Variants in TMEM117 observed in about 807,000 individuals in gnomAD.
The protein encoded by TMEM117 is transmembrane protein 117.
In TMEM117, 27 loss-of-function variants were observed where a neutral mutation model predicts 52.4. That is an observed-to-expected ratio of 0.51 (90% CI 0.38 to 0.71). The LOEUF is 0.71. Among genes scored for constraint, TMEM117 ranks in the 30% least tolerant of loss-of-function variants. TMEM117 has a pLI of 0.00. For synonymous variants in TMEM117, 215 were observed against 206.3 expected (o/e 1.04, Z -0.36); for missense variants, 556 against 630.5 (o/e 0.88, Z 1.26).
chr12:43,809,955 A>G, the TMEM117 span, among the ~76,000 whole-genome samples: 1 of 152,354 alleles, frequency 6.6e-6, no homozygotes, highest in South Asian at 2.1e-4. Context: ...AAAACAGAAC[A>G]GAGAGTCTGG....
intron 2 of TMEM117, among the ~76,000 whole-genome samples, chr12:43,885,849 C>T (rs1943984364): frequency 6.6e-6 from 1 of 151,962 alleles, no homozygotes; most frequent in African/African-American, 2.4e-5. Flanking sequence ...GATGGTTACA[C>T]AAGAGATTAA....
At chr12:44,001,262 G>C (rs1184993957) in intron 3 of TMEM117, among the ~76,000 whole-genome samples, 1 of 152,232 alleles carries the variant, frequency 6.6e-6, no homozygotes, top group East Asian at 1.9e-4. Context: ...TTCAGAGAGT[G>C]TATATAGATA....
chr12:43,989,443 A>T (rs1364336010), intron 3 of TMEM117, among the ~76,000 whole-genome samples: 1 of 151,172 alleles, frequency 6.6e-6, no homozygotes, highest in Non-Finnish European at 1.5e-5. Context: ...CTACTGCTAC[A>T]TTTTTTTTTA....
chr12:43,893,511 T>C (rs1483801259), intron 2 of TMEM117, among the ~76,000 whole-genome samples: 2 of 152,210 alleles, frequency 1.3e-5, no homozygotes, highest in African/African-American at 4.8e-5. Context: ...CCTTTTTCAG[T>C]GCATATTTAA....
chr12:43,924,296 A>G (rs551060504), intron 2 of TMEM117, among the ~76,000 whole-genome samples: 5 of 152,294 alleles, frequency 3.3e-5, no homozygotes, highest in African/African-American at 1.2e-4. Flanking sequence ...CATTTAAATT[A>G]TAGTGCTTTA....
chr12:43,901,313 G>T (rs1565741911), intron 2 of TMEM117, among the ~76,000 whole-genome samples: 1 of 150,120 alleles, frequency 6.7e-6, no homozygotes, highest in Admixed American at 6.7e-5. Context: ...GTTTGTTTTT[G>T]GTTTTTTTTG....
intron 1 of TMEM117, among the ~76,000 whole-genome samples, chr12:43,842,064 T>A (rs1402532192): frequency 6.6e-6 from 1 of 152,168 alleles, no homozygotes; most frequent in Admixed American, 6.5e-5. Flanking sequence ...AGTGATGAAT[T>A]TTTTTTGTAG....
intron 6 of TMEM117, among the ~76,000 whole-genome samples, chr12:44,322,690 T>C (rs1951147296): frequency 6.6e-6 from 1 of 152,136 alleles, no homozygotes; most frequent in South Asian, 2.1e-4. Context: ...AGTCTCACGA[T>C]GCAAAGTAAC....
chr12:44,311,883 A>G (rs1024613351), intron 6 of TMEM117, among the ~76,000 whole-genome samples: 5 of 124,124 alleles, frequency 4.0e-5, no homozygotes, highest in Admixed American at 1.6e-4. Flanking sequence ...ATATGTATAT[A>G]TGTATATATA....
intron 5 of TMEM117, among the ~76,000 whole-genome samples, chr12:44,294,300 C>A (rs1438057522): frequency 6.6e-6 from 1 of 152,144 alleles, no homozygotes; most frequent in Non-Finnish European, 1.5e-5. Context: ...GGAATAAATT[C>A]TAAGATTCCC....
intron 3 of TMEM117, among the ~76,000 whole-genome samples, chr12:44,054,905 C>T (rs1219628610): frequency 5.3e-5 from 8 of 151,994 alleles, no homozygotes; most frequent in African/African-American, 1.5e-4. Flanking sequence ...CCCCACCCCA[C>T]GACAGGCCCC....
At chr12:43,799,470 G>A in the TMEM117 span, 1 of 1,608,838 alleles carries the variant, frequency 6.2e-7, no homozygotes, top group Non-Finnish European at 8.5e-7. Context: ...GTGACAGCAA[G>A]TATTTTTTAT....
At chr12:43,796,329 G>A in the TMEM117 span, among the ~76,000 whole-genome samples, 1 of 152,132 alleles carries the variant, frequency 6.6e-6, no homozygotes, top group Non-Finnish European at 1.5e-5. Context: ...AACTTAAAAA[G>A]CATGAAGGGT....
chr12:44,024,495 C>T (rs189616560), intron 3 of TMEM117, among the ~76,000 whole-genome samples: 59 of 151,724 alleles, frequency 3.9e-4, no homozygotes, highest in Admixed American at 2.1e-3. Context: ...TATTTAGTAT[C>T]TCATAAACTT....
At chr12:44,318,222 G>A (rs1951084392) in intron 6 of TMEM117, 1 of 152,378 alleles carries the variant, frequency 6.6e-6, no homozygotes, top group Non-Finnish European at 1.5e-5. Flanking sequence ...ATGGAGTGGA[G>A]AGGGTCCTGT....
chr12:44,039,085 A>T (rs771556108), intron 3 of TMEM117, among the ~76,000 whole-genome samples: 1 of 152,172 alleles, frequency 6.6e-6, no homozygotes, highest in African/African-American at 2.4e-5. Context: ...AATGCAGTTG[A>T]ATTCCTAAGT....
chr12:44,378,299 T>C (rs879874112), intron 7 of TMEM117, among the ~76,000 whole-genome samples: 11 of 152,238 alleles, frequency 7.2e-5, no homozygotes, highest in African/African-American at 1.2e-4. Flanking sequence ...CTAAAAATAT[T>C]TAATTTAGGA....
chr12:44,181,356 A>G (rs1949195761), intron 4 of TMEM117, among the ~76,000 whole-genome samples: 1 of 151,994 alleles, frequency 6.6e-6, no homozygotes, highest in South Asian at 2.1e-4. Flanking sequence ...TCTTTAGTTT[A>G]ATTAGATCCC....
chr12:44,160,741 G>A (rs1275605392), intron 4 of TMEM117, among the ~76,000 whole-genome samples: 7 of 152,194 alleles, frequency 4.6e-5, no homozygotes, highest in Non-Finnish European at 8.8e-5. Context: ...GTTTGAGGCT[G>A]CAGTGAGCTA....
Sources: gnomAD v4.1 joint callset for allele counts (sites outside exome capture counted in the v4.1 genomes callset) on GRCh38, gnomAD v4.1.1 for gene constraint, MANE v1.5 for transcripts, NCBI Gene and HGNC (gene_info 2026-07-23, HGNC 2026-07-21) for gene names.